PKHD1: variants seen among roughly 807,000 people sequenced by gnomAD.
PKHD1 encodes the protein PKHD1 ciliary IPT domain containing fibrocystin/polyductin, also known as fibrocystin.
Under a neutral mutation model 412.0 loss-of-function variants are expected in PKHD1, and 291 were observed. The observed-to-expected ratio is 0.71, with a 90% CI of 0.64 to 0.78. The LOEUF (loss-of-function observed/expected upper bound fraction) is 0.78. PKHD1 is among the 30% of genes least tolerant of loss of function. The pLI, the probability that PKHD1 is intolerant of heterozygous loss-of-function variation, is 0.00. For missense variants in PKHD1, 4,825 were observed against 4,950.7 expected (o/e 0.97, Z 0.76); for synonymous variants, 1,777 against 1,821.5 (o/e 0.98, Z 0.62).
intron 37 of PKHD1, among the ~76,000 whole-genome samples, chr6:51,915,030 T>C (rs1783555965): frequency 1.3e-5 from 2 of 152,068 alleles, no homozygotes; most frequent in Non-Finnish European, 2.9e-5. Context: ...TCTGGGTAGC[T>C]TGTGGGCCAT....
intron 60 of PKHD1, among the ~76,000 whole-genome samples, chr6:51,667,834 T>G (rs1370281118): frequency 1.3e-5 from 2 of 151,136 alleles, no homozygotes; most frequent in Non-Finnish European, 2.9e-5. Flanking sequence ...TTTCTCAGGT[T>G]TGTCAAAGAT....
chr6:51,909,527 A>G, intron 39 of PKHD1, 53 bp from the exon 40 acceptor site: 5 of 1,360,458 alleles, frequency 3.7e-6, no homozygotes, highest in Non-Finnish European at 5.3e-6. Context: ...ACATGCTTCC[A>G]GACAAATCTC....
intron 60 of PKHD1, among the ~76,000 whole-genome samples, chr6:51,684,190 G>A (rs1216286732): frequency 6.6e-6 from 1 of 152,048 alleles, no homozygotes; most frequent in African/African-American, 2.4e-5. Context: ...ACTTGTAGCT[G>A]TACTTGAAGG....
At chr6:51,644,818 T>G (rs1388934682) in intron 63 of PKHD1, among the ~76,000 whole-genome samples, 1 of 152,166 alleles carries the variant, frequency 6.6e-6, no homozygotes, top group Non-Finnish European at 1.5e-5. Flanking sequence ...TAGCTGGGAC[T>G]TCAGGTGCAT....
At chr6:52,073,797 G>A (rs916900918) in intron 6 of PKHD1, among the ~76,000 whole-genome samples, 3 of 152,158 alleles carry the variant, frequency 2.0e-5, no homozygotes, top group African/African-American at 7.2e-5. Context: ...GAGCATAGAA[G>A]GAATAATGGG....
chr6:51,747,263 G>C (rs189578434), intron 58 of PKHD1, among the ~76,000 whole-genome samples: 1 of 152,148 alleles, frequency 6.6e-6, no homozygotes, highest in South Asian at 2.1e-4. Flanking sequence ...TGCACCAGTC[G>C]TGTCACAACT....
chr6:51,867,490 G>A lies in PKHD1; in HGVS notation c.7733+373C>T, dbSNP rs116250460. ...TATTGAACACTTAAAAAGAGCTTGGGAAGAGTACATGTATATAAATGAGAA... is the reference window on the plus strand; with the variant it reads ...TATTGAACACTTAAAAAGAGCTTGGAAAGAGTACATGTATATAAATGAGAA... On this transcript the variant is annotated intron_variant, in intron 48 of 66. Transcript: ENST00000371117. 4.5e-3 allele frequency among the ~76,000 whole-genome samples: 685 copies of A among 152,206 alleles called. 7 individuals carry two copies. The highest frequency in any genetic ancestry group is 0.015 in the African/African-American group (634 of 41,550).
At chr6:51,758,638 A>G (rs1787466741) in intron 55 of PKHD1, among the ~76,000 whole-genome samples, 1 of 152,126 alleles carries the variant, frequency 6.6e-6, no homozygotes, top group African/African-American at 2.4e-5. Context: ...TTTTTTCAAC[A>G]TAATTGTACC....
chr6:51,918,103 G>A (rs1445916745), intron 37 of PKHD1, among the ~76,000 whole-genome samples: 3 of 151,956 alleles, frequency 2.0e-5, no homozygotes, highest in African/African-American at 7.2e-5. Context: ...AGAGGACTGG[G>A]CAAAATAATG....
intron 55 of PKHD1, 68 bp from the exon 56 acceptor site, chr6:51,755,006 G>T: frequency 1.5e-6 from 2 of 1,334,542 alleles, no homozygotes; most frequent in Non-Finnish European, 1.1e-6. Flanking sequence ...TAACTCCAGA[G>T]CAAGAAAAGG....
intron 34 of PKHD1, among the ~76,000 whole-genome samples, chr6:52,012,732 G>A (rs1251369531): frequency 1.3e-5 from 2 of 152,288 alleles, no homozygotes; most frequent in Non-Finnish European, 2.9e-5. Flanking sequence ...TTTGTTACTG[G>A]GGGTGGAGAA....
chr6:51,843,513 G>A (rs1456962934), intron 50 of PKHD1, among the ~76,000 whole-genome samples: 1 of 152,140 alleles, frequency 6.6e-6, no homozygotes, highest in Admixed American at 6.5e-5. Context: ...AAGAGGCAGT[G>A]GGAAACTGGC....
chr6:51,828,508 C>G (rs9296665), intron 52 of PKHD1, among the ~76,000 whole-genome samples: 67,381 of 151,908 alleles, frequency 0.44, 16,032 homozygotes, highest in Middle Eastern at 0.61. Context: ...GGAATCTATT[C>G]AAAGGAGAAG....
At chr6:52,045,874 C>T (rs981537950) in intron 24 of PKHD1, 130 bp downstream of exon 24, 19 of 712,322 alleles carry the variant, frequency 2.7e-5, no homozygotes, top group African/African-American at 2.7e-4. Context: ...TTCATAGAAT[C>T]CCTTTACTCA....
intron 22 of PKHD1, among the ~76,000 whole-genome samples, 154 bp from the exon 23 acceptor site, chr6:52,048,773 C>T (rs1321749983): frequency 6.6e-6 from 1 of 152,198 alleles, no homozygotes; most frequent in Admixed American, 6.5e-5. Context: ...TTCAGGACCA[C>T]TCGATGTGAG....
chr6:52,044,883 A>T, intron 25 of PKHD1, 83 bp downstream of exon 25: 1 of 1,503,778 alleles, frequency 6.6e-7, no homozygotes, highest in Non-Finnish European at 9.2e-7. Flanking sequence ...GAGCTAAATC[A>T]ATGAGTCCAT....
chr6:52,024,329 T>G (rs982018690), intron 32 of PKHD1, among the ~76,000 whole-genome samples: 1 of 152,200 alleles, frequency 6.6e-6, no homozygotes, highest in African/African-American at 2.4e-5. Flanking sequence ...AGTTAATGCA[T>G]CAAATTAAAA....
chr6:51,623,935 A>T (rs183256032), intron 66 of PKHD1, among the ~76,000 whole-genome samples: 2 of 152,328 alleles, frequency 1.3e-5, no homozygotes, highest in Admixed American at 1.3e-4. Flanking sequence ...AATATATGTT[A>T]TAAAATTATG....
At chr6:51,916,728 G>A (rs889719619) in intron 37 of PKHD1, among the ~76,000 whole-genome samples, 1 of 152,114 alleles carries the variant, frequency 6.6e-6, no homozygotes, top group Non-Finnish European at 1.5e-5. Flanking sequence ...TGAAACCCAG[G>A]TTGGGTAGCT....
Sources: allele counts gnomAD v4.1 joint callset (sites outside exome capture counted in the v4.1 genomes callset), GRCh38; gene constraint gnomAD v4.1.1; transcripts MANE v1.5; gene names NCBI Gene and HGNC (gene_info 2026-07-23, HGNC 2026-07-21).